The following TLE4 variants were observed in gnomAD, a reference collection of about 807,000 sequenced individuals.
TLE4 encodes the protein TLE family member 4, transcriptional corepressor.
TLE4 carries 8 observed loss-of-function variants against 92.8 expected under a neutral mutation model. That is an observed-to-expected ratio of 0.09 (90% CI 0.05 to 0.16). The LOEUF (loss-of-function observed/expected upper bound fraction) is 0.16, where lower values mean the gene tolerates loss of function less well. TLE4 is among the 10% of genes least tolerant of loss of function. The probability of loss-of-function intolerance (pLI) is 1.00; values close to 1 mark genes in which losing one functional copy is unlikely to be tolerated. For synonymous variants in TLE4, 371 were observed against 374.1 expected (o/e 0.99, Z 0.10); for missense variants, 675 against 997.6 (o/e 0.68, Z 4.36).
intron 4 of TLE4, among the ~76,000 whole-genome samples, chr9:79,600,649 A>G (rs913646713): frequency 3.9e-5 from 6 of 152,142 alleles, no homozygotes; most frequent in Non-Finnish European, 5.9e-5. Context: ...GCTGCTCAAC[A>G]CGTGATGCTG....
chr9:79,634,563 A>G (rs1351732713), intron 6 of TLE4, among the ~76,000 whole-genome samples: 1 of 151,702 alleles, frequency 6.6e-6, no homozygotes, highest in African/African-American at 2.4e-5. Context: ...GAGTTTTGAC[A>G]ACCGAATACA....
At chr9:79,611,859 T>A (rs1320750328) in intron 4 of TLE4, among the ~76,000 whole-genome samples, 2 of 151,258 alleles carry the variant, frequency 1.3e-5, no homozygotes, top group Non-Finnish European at 2.9e-5. Context: ...CTTATTGGTT[T>A]AAAATGTCTG....
chr9:79,709,747 C>T (rs1171356028), intron 14 of TLE4, 48 bp downstream of exon 14: 1 of 1,541,810 alleles, frequency 6.5e-7, no homozygotes, highest in South Asian at 1.1e-5. Flanking sequence ...AACTCAGGTC[C>T]CTTGCTGGCC....
At chr9:79,594,923 A>T (rs533649115) in intron 4 of TLE4, among the ~76,000 whole-genome samples, 20 of 152,350 alleles carry the variant, frequency 1.3e-4, no homozygotes, top group African/African-American at 4.8e-4. Context: ...TTAACTCTGT[A>T]CTTTAACCAT....
At chr9:79,685,187 C>A (rs2065582013) in intron 8 of TLE4, among the ~76,000 whole-genome samples, 1 of 152,280 alleles carries the variant, frequency 6.6e-6, no homozygotes, top group East Asian at 1.9e-4. Flanking sequence ...GATGAAATGT[C>A]AGCTTTCCCT....
At chr9:79,722,660 G>C (rs2075826237) in intron 18 of TLE4, 59 bp downstream of exon 18, 2 of 1,585,108 alleles carry the variant, frequency 1.3e-6, no homozygotes, top group African/African-American at 1.4e-5. Flanking sequence ...CCCCCTTCCT[G>C]TGTTTTTATT....
chr9:79,651,459 G>T (rs1424866173), intron 6 of TLE4, among the ~76,000 whole-genome samples: 1 of 152,136 alleles, frequency 6.6e-6, no homozygotes, highest in Non-Finnish European at 1.5e-5. Context: ...TGTGTTGCCA[G>T]TGTGCTGGTA....
At chr9:79,724,167 TTC>T (rs1412654241) in intron 19 of TLE4, among the ~76,000 whole-genome samples, 2 of 151,730 alleles carry the variant, frequency 1.3e-5, no homozygotes, top group Non-Finnish European at 2.9e-5. Context: ...TATTTTTACA[TTC>T]TTTTTTTTTT....
chr9:79,700,556 A>G (rs981336919), intron 8 of TLE4, among the ~76,000 whole-genome samples: 4 of 152,194 alleles, frequency 2.6e-5, no homozygotes, highest in African/African-American at 9.7e-5. Context: ...TAGTGAAATT[A>G]GAACCTGATT....
chr9:79,632,286 C>T (rs565751138), intron 6 of TLE4, among the ~76,000 whole-genome samples: 16 of 152,270 alleles, frequency 1.1e-4, no homozygotes, highest in African/African-American at 2.9e-4. Context: ...CTGTAAGATG[C>T]CTTCTATGCT....
At chr9:79,644,426 T>C (rs1168161122) in intron 6 of TLE4, among the ~76,000 whole-genome samples, 2 of 152,238 alleles carry the variant, frequency 1.3e-5, no homozygotes, top group Non-Finnish European at 2.9e-5. Context: ...ATATGGATCA[T>C]GTCATACAAT....
intron 4 of TLE4, among the ~76,000 whole-genome samples, chr9:79,594,757 T>G (rs146240316): frequency 6.6e-6 from 1 of 152,320 alleles, no homozygotes; most frequent in East Asian, 1.9e-4. Flanking sequence ...TGACCTCTTG[T>G]ATTTTGGGGT....
intron 6 of TLE4, among the ~76,000 whole-genome samples, chr9:79,640,423 A>AT (rs911423312): frequency 3.0e-4 from 45 of 149,842 alleles, no homozygotes; most frequent in African/African-American, 1.0e-3. Flanking sequence ...GTGGCTTTTA[A>AT]TTTTTTTTTT....
rs751800580 is a variant in TLE4 at position 79,708,824 on chromosome 9, C to T, written c.1263+38C>T. ...GCTTCACAAATAATATTTTAGCACA[C>T]GGAGGATTGTCATGCTTGATTGATT... is the stretch of plus-strand genomic sequence containing the variant. On this transcript the variant is annotated intron_variant, in intron 13 of 19. Transcript: ENST00000376552. 12 of 1,568,368 alleles carry T rather than the reference C, an allele frequency of 7.7e-6. No homozygotes were observed. The East Asian group carries it at 1.6e-4, about 21-fold the overall frequency.
rs200843497 is a variant in TLE4 at position 79,591,116 on chromosome 9, T to A, written c.252+14939T>A. Among the ~76,000 whole-genome samples the A allele has an allele frequency of 2.6e-4, 40 of 152,324 alleles. No individual in the cohort carries two copies. The East Asian group carries it at 5.4e-3, about 21-fold the overall frequency. ...AGGAAAGGTAGGAGGCTTGCCTCCA[T>A]GGAGAATCTAGTCTTTTTACTTCAT... On this transcript the variant is annotated intron_variant, in intron 4 of 19. Transcript: ENST00000376552.
At chr9:79,573,189 G>C in intron 1 of TLE4, 1 of 966,742 alleles carries the variant, frequency 1.0e-6, no homozygotes, top group Non-Finnish European at 1.3e-6. Flanking sequence ...CCTCGGCAGC[G>C]GCGCTGCTGG....
chr9:79,638,473 A>T (rs928627359), intron 6 of TLE4, among the ~76,000 whole-genome samples: 6 of 151,772 alleles, frequency 4.0e-5, no homozygotes, highest in Non-Finnish European at 8.8e-5. Flanking sequence ...CTTAAGAAAA[A>T]CTCAGAATGG....
chr9:79,576,110 A>C (rs750320824), intron 3 of TLE4, 23 bp from the exon 4 acceptor site: 3 of 1,446,260 alleles, frequency 2.1e-6, no homozygotes, highest in Non-Finnish European at 2.8e-6. Context: ...TCATGCATTT[A>C]ATTGCTTTTC....
chr9:79,631,212 T>G (rs1181159679), intron 6 of TLE4, among the ~76,000 whole-genome samples: 1 of 152,214 alleles, frequency 6.6e-6, no homozygotes, highest in African/African-American at 2.4e-5. Flanking sequence ...CTGTGTTAAG[T>G]GCTTTCAGAA....
Sources: gnomAD v4.1 joint callset for allele counts (sites outside exome capture counted in the v4.1 genomes callset) on GRCh38, gnomAD v4.1.1 for gene constraint, MANE v1.5 for transcripts, NCBI Gene and HGNC (gene_info 2026-07-23, HGNC 2026-07-21) for gene names.